SWT1: variants seen among roughly 807,000 people sequenced by gnomAD.
SWT1 encodes transcriptional protein SWT1.
In SWT1, 33 loss-of-function variants were observed where a neutral mutation model predicts 107.3. The observed-to-expected ratio is 0.31, with a 90% CI of 0.23 to 0.41. SWT1 has a LOEUF of 0.41. Among genes scored for constraint, SWT1 ranks in the 10% least tolerant of loss-of-function variants. SWT1 has a pLI of 1.00. For synonymous variants in SWT1, 345 were observed against 348.3 expected (o/e 0.99, Z 0.11); for missense variants, 898 against 1,028.9 (o/e 0.87, Z 1.74).
intron 16 of SWT1, among the ~76,000 whole-genome samples, chr1:185,256,739 G>C (rs1464565022): frequency 1.3e-5 from 2 of 151,494 alleles, no homozygotes; most frequent in Non-Finnish European, 2.9e-5. Context: ...TCCTCCCGTA[G>C]CTCAGAGTAA....
At chr1:185,178,722 T>C (rs1250626404) in intron 5 of SWT1, among the ~76,000 whole-genome samples, 3 of 152,106 alleles carry the variant, frequency 2.0e-5, no homozygotes, top group Non-Finnish European at 4.4e-5. Flanking sequence ...CTGTTAATAA[T>C]CTCTGGCTTG....
At chr1:185,251,903 C>T (rs1298687279) in intron 16 of SWT1, among the ~76,000 whole-genome samples, 1 of 151,952 alleles carries the variant, frequency 6.6e-6, no homozygotes, top group Non-Finnish European at 1.5e-5. Context: ...ACTAACTCGT[C>T]ATCTAGCATT....
rs368836187 is a variant in SWT1, at chr1:185,209,331, A to C, written c.1972+2568A>C. On this transcript the variant is annotated intron_variant, in intron 13 of 18. Coordinates refer to ENST00000367500, the MANE Select transcript of SWT1 (RefSeq NM_017673.7). ...TCCATGGGGGTTTGCTGCACCCATC[A>C]ACCCATCATCTACATTAGGTATTTC... Among the ~76,000 whole-genome samples the C allele has an allele frequency of 2.0e-5, 3 of 152,240 alleles. No individual in the cohort carries two copies. The East Asian group carries it at 5.8e-4, about 29-fold the overall frequency.
chr1:185,204,232 C>T (rs1283314937), intron 11 of SWT1, among the ~76,000 whole-genome samples: 3 of 151,646 alleles, frequency 2.0e-5, no homozygotes, highest in African/African-American at 4.8e-5. Flanking sequence ...GAGCCAAGAT[C>T]GCGCCACTGC....
At chr1:185,187,302 C>T (rs1357636596) in intron 9 of SWT1, among the ~76,000 whole-genome samples, 5 of 151,902 alleles carry the variant, frequency 3.3e-5, no homozygotes, top group Non-Finnish European at 7.4e-5. Flanking sequence ...TCAGGTGATC[C>T]ACCTGCCTCA....
chr1:185,218,371 T>C (rs1361684888), intron 14 of SWT1, among the ~76,000 whole-genome samples: 1 of 152,160 alleles, frequency 6.6e-6, no homozygotes, highest in African/African-American at 2.4e-5. Flanking sequence ...AGAGTTGTGA[T>C]CATAGCTCAT....
At chr1:185,225,947 A>G (rs1660021335) in intron 15 of SWT1, among the ~76,000 whole-genome samples, 1 of 152,226 alleles carries the variant, frequency 6.6e-6, no homozygotes, top group South Asian at 2.1e-4. Flanking sequence ...AGAAATAACA[A>G]TAAATGGCAT....
chr1:185,181,852 A>G (rs1656043017), intron 6 of SWT1, 94 bp from the exon 7 acceptor site: 1 of 1,377,498 alleles, frequency 7.3e-7, no homozygotes, highest in Non-Finnish European at 1.0e-6. Flanking sequence ...TCCATAAACC[A>G]TCTCAAGTGA....
At chr1:185,176,920 C>T (rs1042412109) in intron 5 of SWT1, 1 of 589,298 alleles carries the variant, frequency 1.7e-6, no homozygotes, top group Admixed American at 6.4e-5. Context: ...GGAGGCGGCC[C>T]TTGCAGTGAG....
chr1:185,273,025 C>T (rs1320604666), intron 17 of SWT1, among the ~76,000 whole-genome samples: 1 of 149,668 alleles, frequency 6.7e-6, no homozygotes, highest in Non-Finnish European at 1.5e-5. Flanking sequence ...AGAGCAAGAC[C>T]CTGTCTCAAA....
At chr1:185,222,313 A>G (rs1444117458) in intron 15 of SWT1, among the ~76,000 whole-genome samples, 30 of 152,270 alleles carry the variant, frequency 2.0e-4, no homozygotes, top group Non-Finnish European at 2.9e-5. Context: ...AAAGTATTCC[A>G]TTGTGTATAT....
chr1:185,195,316 A>G (rs1657293135), intron 10 of SWT1, among the ~76,000 whole-genome samples: 1 of 152,304 alleles, frequency 6.6e-6, no homozygotes, highest in African/African-American at 2.4e-5. Flanking sequence ...TGTCCCTGCA[A>G]AGGACATGAA....
chr1:185,181,349 T>G (rs1057487476), intron 6 of SWT1, among the ~76,000 whole-genome samples: 2 of 152,252 alleles, frequency 1.3e-5, no homozygotes, highest in Admixed American at 6.5e-5. Flanking sequence ...TTTGAGGTGC[T>G]CCTTGATAGA....
In SWT1 at chr1:185,290,736, A is replaced by G; in HGVS notation, c.2636A>G (p.Asn879Ser). ...VEMEYTMQQC[N>S]ASVYMEAKNR... ...ATGGAATATACCATGCAGCAGTGCA[A>G]TGCATCTGTTTATATGGAGGCCAAA... The change falls in exon 19 of 19, where the codon AAT (asparagine) becomes AGT (serine). Residue 879 changes from asparagine (N) to serine (S), a missense_variant. Asn to Ser is a conservative substitution (Grantham distance 46). Coordinates refer to ENST00000367500, the MANE Select transcript of SWT1 (RefSeq NM_017673.7). 1 of 1,611,730 alleles carries G rather than the reference A, an allele frequency of 6.2e-7. No individual in the cohort carries two copies.
chr1:185,185,720 G>C (rs1263144962), intron 9 of SWT1, among the ~76,000 whole-genome samples: 6 of 151,886 alleles, frequency 4.0e-5, no homozygotes, highest in Admixed American at 1.3e-4. Context: ...ACTATGAGAA[G>C]GCTTTAAAAG....
chr1:185,227,285 C>G (rs1558056079), intron 15 of SWT1: 17 of 750,946 alleles, frequency 2.3e-5, no homozygotes, highest in Admixed American at 2.2e-4. Context: ...AGGCACCTGG[C>G]TGACCATCGG....
At chr1:185,174,216 TTAAG>T (rs1255634994) in intron 4 of SWT1, among the ~76,000 whole-genome samples, 152 bp from the exon 5 acceptor site, 2 of 152,234 alleles carry the variant, frequency 1.3e-5, no homozygotes, top group Admixed American at 1.3e-4. Context: ...TCTAACACCA[TTAAG>T]TGAGTAATCC....
intron 13 of SWT1, among the ~76,000 whole-genome samples, chr1:185,209,387 C>T (rs559861719): frequency 1.3e-5 from 2 of 152,218 alleles, no homozygotes; most frequent in East Asian, 3.9e-4. Flanking sequence ...CCCCCACCCC[C>T]TGACAGGCCC....
At chr1:185,257,679 C>G (rs1199347828) in intron 16 of SWT1, among the ~76,000 whole-genome samples, 1 of 152,242 alleles carries the variant, frequency 6.6e-6, no homozygotes. Flanking sequence ...TGCCCACTGT[C>G]TGGCACTCCC....
Sources: allele counts gnomAD v4.1 joint callset (sites outside exome capture counted in the v4.1 genomes callset), GRCh38; gene constraint gnomAD v4.1.1; transcripts MANE v1.5; gene names NCBI Gene and HGNC (gene_info 2026-07-23, HGNC 2026-07-21).